The following CREB5 variants were observed in gnomAD, a reference collection of about 807,000 sequenced individuals.
The protein encoded by CREB5 is cyclic AMP-responsive element-binding protein 5.
In CREB5, 19 loss-of-function variants were observed where a neutral mutation model predicts 57.1. That is an observed-to-expected ratio of 0.33 (90% CI 0.23 to 0.49). The LOEUF is 0.49. Among genes scored for constraint, CREB5 ranks in the 20% least tolerant of loss-of-function variants. CREB5 has a pLI of 0.99. For synonymous variants in CREB5, 238 were observed against 238.3 expected, an observed-to-expected ratio of 1.00 and a Z score of 0.01; for missense variants, 579 against 671.6, an observed-to-expected ratio of 0.86 and a Z score of 1.52.
chr7:28,678,534 A>C (rs1015076591), intron 5 of CREB5, among the ~76,000 whole-genome samples: 1 of 152,244 alleles, frequency 6.6e-6, no homozygotes, highest in African/African-American at 2.4e-5. Flanking sequence ...AAGTTTAGAG[A>C]TGAATTTTAC....
At chr7:28,349,666 T>C (rs1786150430) in intron 1 of CREB5, among the ~76,000 whole-genome samples, 1 of 152,172 alleles carries the variant, frequency 6.6e-6, no homozygotes, top group South Asian at 2.1e-4. Flanking sequence ...TCAGTGTGAA[T>C]AGTTGCCTGC....
chr7:28,535,398 G>A (rs1793912322), intron 4 of CREB5, among the ~76,000 whole-genome samples: 2 of 138,794 alleles, frequency 1.4e-5, no homozygotes, highest in African/African-American at 5.3e-5. Context: ...AGGAGGGAAG[G>A]AAAGAAGGAA....
intron 5 of CREB5, among the ~76,000 whole-genome samples, chr7:28,647,847 G>C (rs1798945007): frequency 6.6e-6 from 1 of 152,104 alleles, no homozygotes; most frequent in Admixed American, 6.5e-5. Context: ...TTGGGAGGTT[G>C]AGACAGGAGG....
At chr7:28,638,607 A>G (rs1397994204) in intron 5 of CREB5, among the ~76,000 whole-genome samples, 2 of 152,154 alleles carry the variant, frequency 1.3e-5, no homozygotes, top group African/African-American at 2.4e-5. Flanking sequence ...TCAGCCTCCC[A>G]AAGTACTAGG....
intron 5 of CREB5, among the ~76,000 whole-genome samples, chr7:28,634,342 T>C (rs1175243809): frequency 6.6e-6 from 1 of 152,238 alleles, no homozygotes; most frequent in African/African-American, 2.4e-5. Flanking sequence ...TAAATTGAAC[T>C]GATATTTTTT....
chr7:28,686,346 T>G, intron 5 of CREB5: 1 of 640,828 alleles, frequency 1.6e-6, no homozygotes, highest in Non-Finnish European at 2.8e-6. Context: ...TCTCCTCTTC[T>G]TCCTTCTCCT....
intron 1 of CREB5, among the ~76,000 whole-genome samples, chr7:28,425,981 A>C (rs1788497021): frequency 6.6e-6 from 1 of 152,200 alleles, no homozygotes; most frequent in Non-Finnish European, 1.5e-5. Context: ...GGGCCCCCAG[A>C]TTGAGGCTTC....
chr7:28,748,176 G>T (rs1198866363), intron 7 of CREB5, among the ~76,000 whole-genome samples: 1 of 152,210 alleles, frequency 6.6e-6, no homozygotes, highest in Non-Finnish European at 1.5e-5. Context: ...TAGAGCTCAT[G>T]TGTAGTGTTT....
At chr7:28,414,836 T>C (rs933463713) in intron 1 of CREB5, among the ~76,000 whole-genome samples, 6 of 152,090 alleles carry the variant, frequency 3.9e-5, no homozygotes, top group African/African-American at 9.7e-5. Flanking sequence ...CAGATAGTGA[T>C]AGCACTCTTC....
intron 1 of CREB5, among the ~76,000 whole-genome samples, chr7:28,471,589 C>A (rs558124311): frequency 2.0e-5 from 3 of 152,150 alleles, no homozygotes; most frequent in Non-Finnish European, 4.4e-5. Flanking sequence ...TGCATTTAAT[C>A]TTTATCACAA....
At chr7:28,535,327 G>GAGGC (rs1376177742) in intron 4 of CREB5, among the ~76,000 whole-genome samples, 1 of 131,552 alleles carries the variant, frequency 7.6e-6, no homozygotes, top group Non-Finnish European at 1.7e-5. Context: ...GGGAGGGAGG[G>GAGGC]AGGGAAGGAA....
intron 1 of CREB5, among the ~76,000 whole-genome samples, chr7:28,382,820 A>G (rs558739093): frequency 1.2e-3 from 180 of 152,082 alleles, no homozygotes; most frequent in African/African-American, 3.9e-3. Flanking sequence ...AGGAGATACG[A>G]GATCAAGAGA....
In CREB5 at chr7:28,541,805, T is replaced by C. The variant is rs1015569258; in HGVS notation, c.292-28560T>C. 2.6e-5 allele frequency among the ~76,000 whole-genome samples: 4 copies of C among 152,266 alleles called. 1 individual carries two copies. The highest frequency in any genetic ancestry group is 3.8e-4 in the East Asian group (2 of 5,206). ...CATGTTTATGGTGTTTCCCCTTTAT[T>C]CAACTTTTTACTTAACCAGTTAACA... On this transcript the variant is annotated intron_variant, in intron 4 of 10. Coordinates refer to ENST00000357727, the MANE Select transcript of CREB5 (RefSeq NM_182898.4).
At chr7:28,526,660 G>A (rs1420532365) in intron 4 of CREB5, among the ~76,000 whole-genome samples, 1 of 152,180 alleles carries the variant, frequency 6.6e-6, no homozygotes, top group African/African-American at 2.4e-5. Context: ...CATGGTTTAG[G>A]CAAACTCGAA....
At chr7:28,602,911 T>A (rs1161494607) in intron 5 of CREB5, among the ~76,000 whole-genome samples, 1 of 152,168 alleles carries the variant, frequency 6.6e-6, no homozygotes, top group East Asian at 1.9e-4. Flanking sequence ...CACTGTCAAT[T>A]TTCTGGTTTT....
At chr7:28,303,203 T>C (rs1195164936) in intron 1 of CREB5, among the ~76,000 whole-genome samples, 1 of 151,870 alleles carries the variant, frequency 6.6e-6, no homozygotes, top group Non-Finnish European at 1.5e-5. Flanking sequence ...GTACAATATA[T>C]GTTTAGTAAG....
chr7:28,370,110 C>T (rs562672228), intron 1 of CREB5, among the ~76,000 whole-genome samples: 2 of 152,250 alleles, frequency 1.3e-5, no homozygotes, highest in East Asian at 3.9e-4. Context: ...GAACAGCCAC[C>T]TATTATTAAA....
At chr7:28,429,488 A>G (rs1295773294) in intron 1 of CREB5, among the ~76,000 whole-genome samples, 3 of 152,230 alleles carry the variant, frequency 2.0e-5, no homozygotes, top group Non-Finnish European at 4.4e-5. Context: ...AATACTTTAC[A>G]CTTGATGCGT....
intron 4 of CREB5, among the ~76,000 whole-genome samples, chr7:28,561,044 GAAGGTA>G (rs1795253038): frequency 6.7e-6 from 1 of 150,196 alleles, no homozygotes; most frequent in African/African-American, 2.5e-5. Context: ...GTGTGTGTGT[GAAGGTA>G]TTTTTCAGAT....
Sources: allele counts gnomAD v4.1 joint callset (sites outside exome capture counted in the v4.1 genomes callset), GRCh38; gene constraint gnomAD v4.1.1; transcripts MANE v1.5; gene names NCBI Gene and HGNC (gene_info 2026-07-23, HGNC 2026-07-21).